NEB: variants seen among roughly 807,000 people sequenced by gnomAD.
NEB encodes the protein nemaline myopathy type 2.
A neutral mutation model predicts 952.2 loss-of-function variants in NEB; 512 were observed. The ratio of observed to expected loss-of-function variants is 0.54; its 90% CI spans 0.50 to 0.58. The LOEUF (loss-of-function observed/expected upper bound fraction) is 0.58, where lower values mean the gene tolerates loss of function less well. Ranked by LOEUF, NEB falls within the 20% of genes least tolerant of loss-of-function variation. NEB has a pLI of 0.00. For missense variants in NEB, 8,428 were observed against 9,231.1 expected (o/e 0.91, Z 3.56); for synonymous variants, 2,900 against 3,149.8 (o/e 0.92, Z 2.66).
chr2:151,498,449 T>A, intron 169 of NEB, 97 bp from the exon 170 acceptor site: 1 of 796,852 alleles, frequency 1.3e-6, no homozygotes, highest in Non-Finnish European at 2.0e-6. Context: ...AGGAAGAGAG[T>A]AAGTTAGAGG....
intron 28 of NEB, among the ~76,000 whole-genome samples, chr2:151,683,731 C>G (rs2099452541): frequency 6.6e-6 from 1 of 152,100 alleles, no homozygotes; most frequent in African/African-American, 2.4e-5. Context: ...CCAAAAGAAT[C>G]GAAAGCAGGA....
At chr2:151,501,529 T>G in intron 167 of NEB, 46 bp from the exon 168 acceptor site, 1 of 1,153,318 alleles carries the variant, frequency 8.7e-7, no homozygotes, top group Non-Finnish European at 1.2e-6. Flanking sequence ...ACCCATCATT[T>G]TTTAGGTAGA....
At chr2:151,629,448 T>C (rs951259268) in intron 68 of NEB, 91 bp downstream of exon 68, 2 of 1,044,150 alleles carry the variant, frequency 1.9e-6, no homozygotes, top group Admixed American at 4.3e-5. Context: ...CCAATAAATG[T>C]GCTTAAACTG....
intron 40 of NEB, 146 bp downstream of exon 40, chr2:151,667,658 G>T: frequency 1.9e-6 from 1 of 513,630 alleles, no homozygotes; most frequent in Non-Finnish European, 3.4e-6. Flanking sequence ...CTCTCAAATA[G>T]TTGGAACTAC....
chr2:151,667,652 C>G (rs560070870), intron 40 of NEB, among the ~76,000 whole-genome samples, 152 bp downstream of exon 40: 77 of 152,126 alleles, frequency 5.1e-4, no homozygotes, highest in African/African-American at 1.6e-3. Context: ...CTCAGCCTCT[C>G]AAATAGTTGG....
At chr2:151,655,144 G>T in intron 51 of NEB, 126 bp downstream of exon 51, 1 of 569,006 alleles carries the variant, frequency 1.8e-6, no homozygotes, top group Non-Finnish European at 3.0e-6. Flanking sequence ...AACATCCTGG[G>T]CTAATCAGTG....
intron 13 of NEB, among the ~76,000 whole-genome samples, chr2:151,698,980 T>C (rs1274464889): frequency 2.1e-4 from 29 of 140,662 alleles, no homozygotes; most frequent in Non-Finnish European, 4.0e-4. Context: ...TAACTCGTCA[T>C]CTAGCATTAG....
intron 18 of NEB, 103 bp downstream of exon 18, chr2:151,695,475 T>A: frequency 2.5e-6 from 2 of 812,822 alleles, no homozygotes; most frequent in Non-Finnish European, 4.0e-6. Context: ...ACAGTTCTTC[T>A]CATTTTTAAC....
chr2:151,662,128 G>C lies in NEB; in HGVS notation c.5970+7C>G, dbSNP rs975930519. 6.2e-7 allele frequency: 1 copy of C among 1,606,058 alleles called. No homozygotes were observed. The highest frequency in any genetic ancestry group is 1.3e-5 in the African/African-American group (1 of 74,824). ...CATATGAAACACTGCATTATTGAAA[G>C]ACTTACTTCGTTCATAATTTTTGCA... On this transcript the variant is annotated splice_region_variant and intron_variant, in intron 46 of 181. Transcript: ENST00000397345.
intron 130 of NEB, 132 bp downstream of exon 130, chr2:151,549,504 T>C: frequency 1.5e-6 from 1 of 686,428 alleles, no homozygotes; most frequent in South Asian, 1.7e-5. Flanking sequence ...CTGTCTCTCC[T>C]CTCCAGCTCC....
chr2:151,702,077 G>T (rs996631639), intron 13 of NEB, among the ~76,000 whole-genome samples: 1 of 146,296 alleles, frequency 6.8e-6, no homozygotes, highest in Non-Finnish European at 1.5e-5. Context: ...CTTTGTTCTC[G>T]TTGGTTTCAA....
intron 176 of NEB, chr2:151,493,053 TAG>T (rs1315882240): frequency 1.0e-5 from 3 of 290,492 alleles, no homozygotes; most frequent in African/African-American, 6.7e-5. Flanking sequence ...AAATTTGTTA[TAG>T]TTGGTTACGT....
chr2:151,655,152 G>A (rs1415632392), intron 51 of NEB, 118 bp downstream of exon 51: 1 of 601,204 alleles, frequency 1.7e-6, no homozygotes, highest in Non-Finnish European at 2.8e-6. Flanking sequence ...GGGCTAATCA[G>A]TGTGTCATTT....
Position 151,505,462 on chromosome 2 carries a change from A to C in NEB, c.23742+16T>G. On this transcript the variant is annotated intron_variant, in intron 165 of 181. Coordinates refer to ENST00000397345, the MANE Select transcript of NEB (RefSeq NM_001164508.2). The stretch of plus-strand genomic sequence containing the variant: ...TGGCCAGTCACACAAATGGAAGCTG[A>C]GAGTATGGCCACTACCGAGCTAATG... The C allele has an allele frequency of 6.2e-7, 1 of 1,605,692 alleles. No homozygotes were observed. Among genetic ancestry groups the C allele is most frequent in the Non-Finnish European group, 8.5e-7 (1 of 1,172,690 alleles).
chr2:151,576,516 ATTTTTTTTTTTTTTTTT>A (rs869125440), intron 105 of NEB, among the ~76,000 whole-genome samples, 162 bp from the exon 106 acceptor site: 7 of 18,888 alleles, frequency 3.7e-4, no homozygotes, highest in Non-Finnish European at 5.3e-4. Context: ...ATATATATAT[ATTTTTTTTTTTTTTTTT>A]TTTTTTTTTT....
chr2:151,559,473 T>A, intron 124 of NEB, among the ~76,000 whole-genome samples: 1 of 152,202 alleles, frequency 6.6e-6, no homozygotes. Flanking sequence ...ATCATTCTAC[T>A]ATAAAGACAC....
chr2:151,690,807 G>A lies in NEB; in HGVS notation c.2230C>T (p.Pro744Ser), dbSNP rs2099542776. 1.9e-6 allele frequency: 3 copies of A among 1,589,156 alleles called. No individual in the cohort carries two copies. The highest frequency in any genetic ancestry group is 2.6e-6 in the Non-Finnish European group (3 of 1,166,478). ...QCKDHTYKVH[P>S]DKTKFTAVTD... is the part of the protein sequence containing the mutation. ...ACTGCCGTGAATTTGGTCTTATCTG[G>A]ATGAACTTTGTAGGTATGCTAGAAA... The change falls in exon 24 of 182, where the codon CCA becomes TCA. Residue 744 changes from proline to serine, a missense_variant. Pro to Ser is a moderately conservative substitution (Grantham distance 74, BLOSUM62 -1). This residue lies in a region of NEB where 2,851 missense variants were observed against 2,791.5 expected (regional missense o/e 1.02). Coordinates refer to ENST00000397345, the MANE Select transcript of NEB (RefSeq NM_001164508.2).
In NEB at chr2:151,537,860, G is replaced by A; in HGVS notation, c.21102+12C>T. On this transcript the variant is annotated intron_variant, in intron 140 of 181. Coordinates refer to ENST00000397345, the MANE Select transcript of NEB (RefSeq NM_001164508.2). ...GAATTTATATGTGAAAATAGAAGAT[G>A]TCAACACTCACATCACTGACTGTGT... The A allele has an allele frequency of 1.3e-6, 2 of 1,546,326 alleles. No individual in the cohort carries two copies. The highest frequency in any genetic ancestry group is 4.5e-5 in the East Asian group (2 of 43,986).
At chr2:151,665,602 G>T in intron 41 of NEB, 63 bp from the exon 42 acceptor site, 1 of 1,357,574 alleles carries the variant, frequency 7.4e-7, no homozygotes, top group Non-Finnish European at 9.9e-7. Flanking sequence ...CTTTGGCTAT[G>T]TGATTTACTT....
Sources: gnomAD v4.1 joint callset for allele counts (sites outside exome capture counted in the v4.1 genomes callset) on GRCh38, gnomAD v4.1.1 for gene constraint, gnomAD v4.1.1 regional missense constraint, MANE v1.5 for transcripts, NCBI Gene and HGNC (gene_info 2026-07-23, HGNC 2026-07-21) for gene names.